The following EYS variants were observed in gnomAD, a reference collection of about 807,000 sequenced individuals.
EYS encodes the protein protein eyes shut homolog.
EYS carries 250 observed loss-of-function variants against 282.1 expected under a neutral mutation model. The observed-to-expected ratio is 0.89, with a 90% confidence interval of 0.80 to 0.98. The LOEUF (loss-of-function observed/expected upper bound fraction) is 0.98, where lower values mean the gene tolerates loss of function less well. EYS is among the 50% of genes least tolerant of loss of function. The pLI is 0.00. For synonymous variants in EYS, 1,355 were observed against 1,282.9 expected (o/e 1.06, Z -1.20); for missense variants, 4,016 against 3,709.0 (o/e 1.08, Z -2.15).
chr6:64,067,332 C>T (rs937577991), intron 32 of EYS, among the ~76,000 whole-genome samples: 1 of 152,080 alleles, frequency 6.6e-6, no homozygotes, highest in Non-Finnish European at 1.5e-5. Context: ...AAACATCACC[C>T]AAATTAAGGA....
intron 10 of EYS, among the ~76,000 whole-genome samples, chr6:65,343,178 C>T (rs903521273): frequency 1.3e-5 from 2 of 150,906 alleles, no homozygotes; most frequent in Non-Finnish European, 3.0e-5. Context: ...AGTTGTAATG[C>T]CTCTAGATGA....
At chr6:64,339,484 G>A (rs1048614647) in intron 29 of EYS, among the ~76,000 whole-genome samples, 7 of 151,898 alleles carry the variant, frequency 4.6e-5, no homozygotes, top group Admixed American at 4.6e-4. Context: ...AACAGTGGAT[G>A]TTGGAGTGAT....
chr6:64,886,392 T>C (rs1767087732), intron 19 of EYS, among the ~76,000 whole-genome samples: 2 of 152,022 alleles, frequency 1.3e-5, no homozygotes, highest in Non-Finnish European at 1.5e-5. Context: ...TTATTTCTGT[T>C]AGATTACCCA....
intron 5 of EYS, among the ~76,000 whole-genome samples, chr6:65,424,510 C>T (rs1271971166): frequency 6.6e-6 from 1 of 151,852 alleles, no homozygotes; most frequent in Non-Finnish European, 1.5e-5. Flanking sequence ...ATGCATTCAT[C>T]CTCTTGTGCT....
chr6:64,336,834 A>G (rs1179778827), intron 29 of EYS, among the ~76,000 whole-genome samples: 1 of 152,056 alleles, frequency 6.6e-6, no homozygotes, highest in Non-Finnish European at 1.5e-5. Flanking sequence ...TTTTGAAACT[A>G]TGCAAATACA....
chr6:65,235,332 T>A (rs934248276), intron 12 of EYS, among the ~76,000 whole-genome samples: 1 of 152,082 alleles, frequency 6.6e-6, no homozygotes, highest in Non-Finnish European at 1.5e-5. Flanking sequence ...TGGAAGTAAA[T>A]TGAAATAAAT....
At chr6:64,802,107 C>T (rs1764260990) in intron 22 of EYS, among the ~76,000 whole-genome samples, 1 of 134,544 alleles carries the variant, frequency 7.4e-6, no homozygotes, top group Non-Finnish European at 1.5e-5. Context: ...GATCTTGGCT[C>T]ACTGCAAGCT....
At chr6:63,901,114 C>G (rs940030595) in intron 35 of EYS, among the ~76,000 whole-genome samples, 20 of 151,628 alleles carry the variant, frequency 1.3e-4, no homozygotes, top group Non-Finnish European at 2.8e-4. Context: ...ATAAGTATGT[C>G]CAAATAACTA....
chr6:63,778,098 A>T lies in EYS; in HGVS notation c.7806T>A (p.Ala2602=). 1 of 1,551,802 alleles carries T rather than the reference A, an allele frequency of 6.4e-7. No individual in the cohort carries two copies. The highest frequency in any genetic ancestry group is 8.7e-7 in the Non-Finnish European group (1 of 1,146,968). Residue 2602 remains alanine (A), a synonymous_variant, in exon 40 of 43, where the codon GCT becomes GCA. Transcript: ENST00000503581. ...CATGACACTGGCCAACACTGCGTCC[A>T]GCATTTGGGTGGCCCTCAGGATTTC... The part of the protein sequence containing the change: ...GLGNPEGHPN[A]GRSVGQCHAS...
At chr6:64,661,296 C>A (rs1467242287) in intron 22 of EYS, among the ~76,000 whole-genome samples, 1 of 152,082 alleles carries the variant, frequency 6.6e-6, no homozygotes, top group Non-Finnish European at 1.5e-5. Context: ...AGAAGAAAAC[C>A]TAGGCAATAC....
chr6:65,676,289 T>C (rs539837169), intron 1 of EYS, among the ~76,000 whole-genome samples: 2 of 151,856 alleles, frequency 1.3e-5, no homozygotes, highest in South Asian at 4.1e-4. Context: ...AAAATAAGAA[T>C]TGGTTTATTG....
chr6:64,401,310 C>A (rs879208424), intron 28 of EYS, among the ~76,000 whole-genome samples: 2 of 151,974 alleles, frequency 1.3e-5, no homozygotes, highest in African/African-American at 2.4e-5. Context: ...AAGCAATAAA[C>A]CTTCCTATAA....
chr6:64,258,828 C>G (rs1362146226), intron 30 of EYS, among the ~76,000 whole-genome samples: 2 of 151,960 alleles, frequency 1.3e-5, no homozygotes, highest in Non-Finnish European at 2.9e-5. Flanking sequence ...CCCATAGACA[C>G]CTAATTCAAC....
At chr6:65,360,382 T>A (rs1764657542) in intron 8 of EYS, among the ~76,000 whole-genome samples, 1 of 151,900 alleles carries the variant, frequency 6.6e-6, no homozygotes, top group African/African-American at 2.4e-5. Context: ...ATAAAAAAAT[T>A]AGCATTATTA....
chr6:64,479,499 G>T (rs1361084), intron 26 of EYS, among the ~76,000 whole-genome samples: 62,817 of 151,642 alleles, frequency 0.41, 13,557 homozygotes, highest in African/African-American at 0.56. Flanking sequence ...CTGGACAATT[G>T]ACTCTTGTCT....
chr6:64,715,396 G>C (rs1049113232), intron 22 of EYS, among the ~76,000 whole-genome samples: 3 of 152,166 alleles, frequency 2.0e-5, no homozygotes, highest in African/African-American at 7.2e-5. Context: ...GCTTCTCAGT[G>C]CTTTTGTGGC....
At chr6:64,486,392 C>G (rs1776580271) in intron 26 of EYS, among the ~76,000 whole-genome samples, 1 of 151,326 alleles carries the variant, frequency 6.6e-6, no homozygotes, top group Non-Finnish European at 1.5e-5. Flanking sequence ...TATGATGCAC[C>G]AACAAAATCC....
At chr6:64,820,517 C>T (rs552300227) in intron 21 of EYS, among the ~76,000 whole-genome samples, 2 of 152,094 alleles carry the variant, frequency 1.3e-5, no homozygotes, top group East Asian at 1.9e-4. Context: ...ATTACATTTC[C>T]CTTTCCACAT....
chr6:65,022,273 C>A (rs890223569), intron 13 of EYS, among the ~76,000 whole-genome samples: 1 of 152,190 alleles, frequency 6.6e-6, no homozygotes, highest in African/African-American at 2.4e-5. Context: ...CTAGATGCTT[C>A]CTCCATTTGC....
Sources: gnomAD v4.1 joint callset for allele counts (sites outside exome capture counted in the v4.1 genomes callset) on GRCh38, gnomAD v4.1.1 for gene constraint, MANE v1.5 for transcripts, NCBI Gene and HGNC (gene_info 2026-07-23, HGNC 2026-07-21) for gene names.